KDM4C: variants seen among roughly 807,000 people sequenced by gnomAD.
KDM4C encodes lysine-specific demethylase 4C.
A neutral mutation model predicts 129.3 loss-of-function variants in KDM4C; 81 were observed. The observed-to-expected ratio is 0.63, with a 90% confidence interval of 0.52 to 0.75. The LOEUF (loss-of-function observed/expected upper bound fraction) is 0.75, where lower values mean the gene tolerates loss of function less well. Ranked by LOEUF, KDM4C falls within the 30% of genes least tolerant of loss-of-function variation. KDM4C has a pLI of 0.00. For synonymous variants in KDM4C, 573 were observed against 456.1 expected (o/e 1.26, Z -3.26); for missense variants, 1,457 against 1,304.0 (o/e 1.12, Z -1.81).
intron 17 of KDM4C, among the ~76,000 whole-genome samples, chr9:7,094,903 A>C (rs558965029): frequency 2.6e-5 from 4 of 152,284 alleles, no homozygotes; most frequent in Admixed American, 2.6e-4. Context: ...ACAGTTTCTA[A>C]TAAGGGTCAG....
chr9:7,105,855 A>G (rs773709943), intron 18 of KDM4C, among the ~76,000 whole-genome samples: 5 of 152,240 alleles, frequency 3.3e-5, no homozygotes, highest in Admixed American at 6.5e-5. Context: ...TGTTTCCTAA[A>G]TGATGATGAA....
intron 1 of KDM4C, among the ~76,000 whole-genome samples, chr9:6,743,456 C>T (rs772218793): frequency 6.6e-6 from 1 of 151,602 alleles, no homozygotes; most frequent in Non-Finnish European, 1.5e-5. Context: ...TTGTTGTTAA[C>T]TGTTATTAAG....
chr9:6,793,685 C>A (rs566203390), intron 2 of KDM4C, among the ~76,000 whole-genome samples: 1 of 151,962 alleles, frequency 6.6e-6, no homozygotes, highest in South Asian at 2.1e-4. Flanking sequence ...GGATTACAGG[C>A]ACCCACCACC....
chr9:7,104,871 C>G (rs534945397), intron 18 of KDM4C, among the ~76,000 whole-genome samples: 1 of 152,352 alleles, frequency 6.6e-6, no homozygotes, highest in South Asian at 2.1e-4. Flanking sequence ...TCTCCCAGCT[C>G]TTTGTAATGC....
At chr9:6,916,463 C>T (rs537918503) in intron 8 of KDM4C, among the ~76,000 whole-genome samples, 1 of 151,886 alleles carries the variant, frequency 6.6e-6, no homozygotes, top group African/African-American at 2.4e-5. Context: ...TTTATAGAGA[C>T]AGGCCTCACT....
At chr9:7,100,074 G>A (rs1836896396) in intron 17 of KDM4C, among the ~76,000 whole-genome samples, 1 of 152,090 alleles carries the variant, frequency 6.6e-6, no homozygotes, top group African/African-American at 2.4e-5. Flanking sequence ...TAATTTTCTA[G>A]TAATTCTCAT....
intron 8 of KDM4C, among the ~76,000 whole-genome samples, chr9:6,966,915 A>G (rs142106403): frequency 2.0e-5 from 3 of 152,330 alleles, no homozygotes; most frequent in Admixed American, 2.0e-4. Context: ...AGAATGCAAT[A>G]ATCATAAAAA....
chr9:7,071,667 A>G lies in KDM4C; in HGVS notation c.2424+22467A>G, dbSNP rs189986276. ...CATCAAACCAGAAACTATAAAACTT[A>G]TAGAAGAAAATCTTTGTGATCATGG... is the stretch of plus-strand genomic sequence containing the variant. On this transcript the variant is annotated intron_variant, in intron 17 of 21. Transcript: ENST00000381309. Among the ~76,000 whole-genome samples the G allele has an allele frequency of 1.2e-4, 19 of 152,340 alleles. No individual in the cohort carries two copies. The East Asian group carries it at 3.7e-3, about 29-fold the overall frequency.
chr9:6,832,504 C>T (rs1835032469), intron 4 of KDM4C, among the ~76,000 whole-genome samples: 1 of 143,168 alleles, frequency 7.0e-6, no homozygotes, highest in Non-Finnish European at 1.5e-5. Context: ...CAGCTCACTG[C>T]AAGCTCCGCC....
chr9:7,163,867 C>T (rs1361735077), intron 19 of KDM4C, among the ~76,000 whole-genome samples: 1 of 152,168 alleles, frequency 6.6e-6, no homozygotes, highest in Non-Finnish European at 1.5e-5. Context: ...TGTAGAGCCT[C>T]CGAGCAAACT....
At position 7,076,964 on chromosome 9, in the gene KDM4C, C is replaced by T. The variant is rs182351877; in HGVS notation, c.2425-26721C>T. On this transcript the variant is annotated intron_variant, in intron 17 of 21. Coordinates refer to ENST00000381309, the MANE Select transcript of KDM4C (RefSeq NM_015061.6). The stretch of plus-strand genomic sequence containing the variant: ...CCATTTTTCTACAGCACATCACAGG[C>T]CCAGAGGCTTGAATCTAAGAGAATC... The T allele has an allele frequency of 1.8e-4, 173 of 985,814 alleles. 1 individual carries two copies. Among genetic ancestry groups the T allele is most frequent in the Admixed American group, 8.6e-4 (14 of 16,284 alleles). 61.1% of individuals were successfully genotyped at this position (985,814 alleles called of 1,614,324 possible). A position where few individuals can be genotyped will look rare whatever the true frequency, so the allele number is the denominator to read the frequency against.
At chr9:6,919,204 A>T (rs1217061293) in intron 8 of KDM4C, among the ~76,000 whole-genome samples, 1 of 126,156 alleles carries the variant, frequency 7.9e-6, no homozygotes, top group Non-Finnish European at 1.8e-5. Flanking sequence ...TTTCTTACAG[A>T]TTCTGAATTT....
intron 1 of KDM4C, among the ~76,000 whole-genome samples, chr9:6,774,568 A>G (rs146058620): frequency 0.096 from 14,671 of 152,138 alleles, 826 homozygotes; most frequent in Non-Finnish European, 0.11. Flanking sequence ...GGGAGGCTGA[A>G]GCAGGAGAAT....
At chr9:7,104,079 C>A (rs1837410678) in intron 18 of KDM4C, 1 of 534,770 alleles carries the variant, frequency 1.9e-6, no homozygotes, top group Non-Finnish European at 3.4e-6. Flanking sequence ...ACGCTAGGCA[C>A]AATAAATCTG....
chr9:6,790,585 A>G (rs189099119), intron 1 of KDM4C, among the ~76,000 whole-genome samples: 17 of 137,524 alleles, frequency 1.2e-4, no homozygotes, highest in African/African-American at 4.4e-4. Flanking sequence ...TTACTATCTC[A>G]TGACGTTTCA....
At chr9:7,023,794 C>A (rs1280956108) in intron 15 of KDM4C, among the ~76,000 whole-genome samples, 1 of 151,934 alleles carries the variant, frequency 6.6e-6, no homozygotes, top group Non-Finnish European at 1.5e-5. Context: ...CTTAGTATTG[C>A]TTTTGCTGTA....
At chr9:6,783,610 G>A (rs1007749590) in intron 1 of KDM4C, among the ~76,000 whole-genome samples, 8 of 152,248 alleles carry the variant, frequency 5.3e-5, no homozygotes, top group Middle Eastern at 3.4e-3. Flanking sequence ...GGAGGGGTTC[G>A]CTGAGGAATA....
chr9:6,940,658 T>C (rs890312649), intron 8 of KDM4C, among the ~76,000 whole-genome samples: 5 of 152,228 alleles, frequency 3.3e-5, no homozygotes, highest in Non-Finnish European at 7.3e-5. Flanking sequence ...CATTTAAATA[T>C]GTAAGTTGTC....
At chr9:6,947,297 C>A (rs1563863327) in intron 8 of KDM4C, among the ~76,000 whole-genome samples, 1 of 152,036 alleles carries the variant, frequency 6.6e-6, no homozygotes, top group Non-Finnish European at 1.5e-5. Flanking sequence ...TTTTTCAATA[C>A]ATTTATTTAC....
Sources: gnomAD v4.1 joint callset for allele counts (sites outside exome capture counted in the v4.1 genomes callset) on GRCh38, gnomAD v4.1.1 for gene constraint, MANE v1.5 for transcripts, NCBI Gene and HGNC (gene_info 2026-07-23, HGNC 2026-07-21) for gene names.